EXOC6B: variants seen among roughly 807,000 people sequenced by gnomAD.
EXOC6B encodes the protein exocyst complex component 6B, also known as SEC15 homolog B.
Under a neutral mutation model 113.5 loss-of-function variants are expected in EXOC6B, and 54 were observed. That is an observed-to-expected ratio of 0.48 (90% CI 0.38 to 0.60). EXOC6B has a LOEUF of 0.60. Among genes scored for constraint, EXOC6B ranks in the 20% least tolerant of loss-of-function variants. EXOC6B has a pLI of 0.00. For synonymous variants in EXOC6B, 357 were observed against 339.0 expected (o/e 1.05, Z -0.58); for missense variants, 797 against 977.5 (o/e 0.82, Z 2.46).
chr2:72,785,406 C>T (rs1480107545), intron 1 of EXOC6B, among the ~76,000 whole-genome samples: 2 of 152,272 alleles, frequency 1.3e-5, no homozygotes, highest in African/African-American at 4.8e-5. Flanking sequence ...CCCCATATTT[C>T]CCTTCTGCAC....
intron 20 of EXOC6B, among the ~76,000 whole-genome samples, chr2:72,278,048 G>A (rs145819218): frequency 2.0e-4 from 30 of 152,170 alleles, no homozygotes; most frequent in Non-Finnish European, 3.5e-4. Context: ...CTTCTCATAA[G>A]TCACAGCCCA....
chr2:72,272,113 T>C (rs552262107), intron 20 of EXOC6B, among the ~76,000 whole-genome samples: 5 of 152,144 alleles, frequency 3.3e-5, no homozygotes, highest in Non-Finnish European at 7.4e-5. Context: ...CCTATTGCTT[T>C]ATCAGGGAGG....
chr2:72,380,431 A>G (rs1333887670), intron 18 of EXOC6B, among the ~76,000 whole-genome samples: 3 of 152,174 alleles, frequency 2.0e-5, no homozygotes. Flanking sequence ...CAAGGTCAGG[A>G]GATCGAGACC....
chr2:72,780,441 T>G (rs1683960260), intron 1 of EXOC6B, among the ~76,000 whole-genome samples: 1 of 152,214 alleles, frequency 6.6e-6, no homozygotes, highest in South Asian at 2.1e-4. Flanking sequence ...TTCTATTTTT[T>G]CCTTCTATTT....
At chr2:72,337,473 T>C (rs1017642293) in intron 19 of EXOC6B, among the ~76,000 whole-genome samples, 2 of 152,188 alleles carry the variant, frequency 1.3e-5, no homozygotes, top group African/African-American at 4.8e-5. Flanking sequence ...GGGAGCTGGC[T>C]ACACATTCTT....
chr2:72,203,830 A>ATCC (rs1679654062), intron 20 of EXOC6B, among the ~76,000 whole-genome samples: 1 of 152,204 alleles, frequency 6.6e-6, no homozygotes, highest in South Asian at 2.1e-4. Flanking sequence ...ATTATGGCAA[A>ATCC]TAAGAGTTGG....
intron 20 of EXOC6B, among the ~76,000 whole-genome samples, chr2:72,228,830 G>A (rs1488982676): frequency 2.0e-5 from 3 of 152,128 alleles, no homozygotes; most frequent in Admixed American, 1.3e-4. Flanking sequence ...AGATCCCTGA[G>A]GAATCGCCAC....
intron 20 of EXOC6B, among the ~76,000 whole-genome samples, chr2:72,188,746 C>G (rs1218927125): frequency 1.3e-5 from 2 of 152,142 alleles, no homozygotes; most frequent in Non-Finnish European, 2.9e-5. Context: ...TTAGTGACCA[C>G]TAATATTCCT....
At chr2:72,645,010 A>C (rs2104369136) in intron 6 of EXOC6B, among the ~76,000 whole-genome samples, 1 of 152,332 alleles carries the variant, frequency 6.6e-6, no homozygotes, top group South Asian at 2.1e-4. Context: ...GATAGAGTCA[A>C]GATCCATCAG....
intron 6 of EXOC6B, among the ~76,000 whole-genome samples, chr2:72,615,658 T>G (rs979139390): frequency 6.6e-6 from 1 of 151,308 alleles, no homozygotes; most frequent in African/African-American, 2.4e-5. Flanking sequence ...ATGTATAGTA[T>G]GTAATGTTTA....
chr2:72,715,542 C>T (rs1416895024), intron 6 of EXOC6B, among the ~76,000 whole-genome samples: 3 of 151,338 alleles, frequency 2.0e-5, no homozygotes, highest in African/African-American at 4.9e-5. Flanking sequence ...CTCAAGAGAA[C>T]AATGAGCAAA....
chr2:72,704,542 G>T (rs1326341493), intron 6 of EXOC6B, among the ~76,000 whole-genome samples: 1 of 151,584 alleles, frequency 6.6e-6, no homozygotes, highest in African/African-American at 2.4e-5. Flanking sequence ...TCCAGGAGCT[G>T]GTTTTTTGAA....
intron 18 of EXOC6B, among the ~76,000 whole-genome samples, chr2:72,394,560 A>G (rs553125055): frequency 1.3e-5 from 2 of 152,276 alleles, no homozygotes; most frequent in South Asian, 4.1e-4. Context: ...ACCTCCATAG[A>G]ATGAGAATTA....
At chr2:72,308,861 T>C (rs929588543) in intron 20 of EXOC6B, among the ~76,000 whole-genome samples, 37 of 152,158 alleles carry the variant, frequency 2.4e-4, no homozygotes, top group Non-Finnish European at 7.4e-5. Flanking sequence ...CTTTTACTTT[T>C]TATTAGTAGG....
chr2:72,277,682 T>G (rs926131343), intron 20 of EXOC6B, among the ~76,000 whole-genome samples: 2 of 151,892 alleles, frequency 1.3e-5, no homozygotes, highest in Non-Finnish European at 2.9e-5. Context: ...TCAGTAGTAG[T>G]GAGGTTTCAC....
At chr2:72,741,116 G>C (rs964883244) in intron 2 of EXOC6B, among the ~76,000 whole-genome samples, 188 bp downstream of exon 2, 1 of 151,970 alleles carries the variant, frequency 6.6e-6, no homozygotes, top group Non-Finnish European at 1.5e-5. Flanking sequence ...AAAAAAAAGG[G>C]GGGGTGGGTA....
chr2:72,291,121 T>C (rs1294213514), intron 20 of EXOC6B, among the ~76,000 whole-genome samples: 1 of 152,204 alleles, frequency 6.6e-6, no homozygotes, highest in Non-Finnish European at 1.5e-5. Flanking sequence ...CCCCAGCTTT[T>C]ATAGACAAAG....
chr2:72,755,750 G>T (rs1213335033), intron 1 of EXOC6B, among the ~76,000 whole-genome samples: 1 of 152,194 alleles, frequency 6.6e-6, no homozygotes, highest in East Asian at 1.9e-4. Context: ...GAAGCTAGGA[G>T]AAGGAAGATG....
Position 72,465,196 on chromosome 2 carries a change from A to G in EXOC6B, c.1944T>C (p.Phe648=), listed in dbSNP as rs1199044180. 1 of 1,612,346 alleles carries G rather than the reference A, an allele frequency of 6.2e-7. No homozygotes were observed. Among genetic ancestry groups the G allele is most frequent in the Admixed American group, 1.7e-5 (1 of 59,756 alleles). The change falls in exon 18 of 22, where the codon TTT becomes TTC. Residue 648 remains phenylalanine, a synonymous_variant. Transcript: ENST00000272427. ...TGAATACAGCAAAGGTGCTACGAAGAAAGGCAATGAGGTCTACCAGGTAAT... is the reference window on the plus strand; with the variant it reads ...TGAATACAGCAAAGGTGCTACGAAGGAAGGCAATGAGGTCTACCAGGTAAT... ...ASDYLVDLIA[F]LRSTFAVFTH...
Sources: allele counts gnomAD v4.1 joint callset (sites outside exome capture counted in the v4.1 genomes callset), GRCh38; gene constraint gnomAD v4.1.1; transcripts MANE v1.5; gene names NCBI Gene and HGNC (gene_info 2026-07-23, HGNC 2026-07-21).